Variants in C9orf153 observed in about 807,000 individuals in gnomAD.
C9orf153 encodes chromosome 9 open reading frame 153.
Under a neutral mutation model 9.0 loss-of-function variants are expected in C9orf153, and 10 were observed. The ratio of observed to expected loss-of-function variants is 1.11; its 90% CI spans 0.69 to 1.89. The LOEUF (loss-of-function observed/expected upper bound fraction) is 1.89. Among genes scored for constraint, C9orf153 ranks in the 40% most tolerant of loss-of-function variants. The pLI, the probability that C9orf153 is intolerant of heterozygous loss-of-function variation, is 0.00. For missense variants in C9orf153, 108 were observed against 111.0 expected (o/e 0.97, Z 0.12); for synonymous variants, 35 against 37.3 (o/e 0.94, Z 0.23).
chr9:86,222,729 G>T (rs568329490), intron 3 of C9orf153, among the ~76,000 whole-genome samples: 2 of 152,114 alleles, frequency 1.3e-5, no homozygotes, highest in Admixed American at 6.5e-5. Flanking sequence ...AAAGGCATGG[G>T]TTGGAGTGTA....
intron 1 of C9orf153, among the ~76,000 whole-genome samples, chr9:86,240,970 G>A (rs745856694): frequency 6.6e-6 from 1 of 152,036 alleles, no homozygotes; most frequent in Non-Finnish European, 1.5e-5. Context: ...GCCTCCCGAA[G>A]TGCTGGGATC....
rs1435357648 is a variant in C9orf153 at position 86,240,183 on chromosome 9, A to G, written c.-26-10554T>C. Among the ~76,000 whole-genome samples, 4 of 152,268 alleles carry G rather than the reference A, an allele frequency of 2.6e-5. No homozygotes were observed. In the East Asian group the frequency reaches 7.7e-4, roughly 29 times the overall value. On this transcript the variant is annotated intron_variant, in intron 1 of 3. Transcript: ENST00000339137. Reference sequence around the variant, plus strand: ...CATGTACAATTATAATCCCCATTTTACATTTGAAGAAATTGAAACACAGAC... The same window carrying G: ...CATGTACAATTATAATCCCCATTTTGCATTTGAAGAAATTGAAACACAGAC...
intron 1 of C9orf153, among the ~76,000 whole-genome samples, chr9:86,242,730 T>C (rs887626252): frequency 3.3e-5 from 5 of 152,250 alleles, no homozygotes; most frequent in Admixed American, 6.5e-5. Context: ...CCAGGCTGGA[T>C]TGCAGTGGTG....
chr9:86,227,377 G>C (rs1383166569), intron 3 of C9orf153: 1 of 1,529,804 alleles, frequency 6.5e-7, no homozygotes, highest in Non-Finnish European at 8.8e-7. Flanking sequence ...TGTTTTCCAG[G>C]CTTGTTCATT....
chr9:86,234,020 T>A (rs1179713421), intron 1 of C9orf153, among the ~76,000 whole-genome samples: 1 of 151,926 alleles, frequency 6.6e-6, no homozygotes, highest in Non-Finnish European at 1.5e-5. Flanking sequence ...GAGGTGGAAG[T>A]CGCAGTGAGC....
chr9:86,227,428 T>C (rs1349620563), intron 3 of C9orf153: 1 of 1,458,072 alleles, frequency 6.9e-7, no homozygotes, highest in Admixed American at 2.4e-5. Flanking sequence ...ATAGCAGCCA[T>C]GAACCTCAGA....
intron 3 of C9orf153, among the ~76,000 whole-genome samples, chr9:86,223,954 G>A (rs1361817408): frequency 2.0e-5 from 3 of 152,126 alleles, no homozygotes; most frequent in South Asian, 2.1e-4. Flanking sequence ...AAGTCAATGG[G>A]TTCAGAGTTA....
At chr9:86,257,342 G>A (rs2131212576) in intron 1 of C9orf153, among the ~76,000 whole-genome samples, 1 of 152,292 alleles carries the variant, frequency 6.6e-6, no homozygotes, top group Admixed American at 6.5e-5. Flanking sequence ...TCCTTGGGGA[G>A]GAGATGGGAG....
At chr9:86,223,461 C>G (rs185915789) in intron 3 of C9orf153, among the ~76,000 whole-genome samples, 20 of 152,142 alleles carry the variant, frequency 1.3e-4, no homozygotes, top group African/African-American at 4.6e-4. Flanking sequence ...GAGCAAGACT[C>G]TGTCAAAAAT....
chr9:86,238,461 T>C (rs1011422711), intron 1 of C9orf153, among the ~76,000 whole-genome samples: 9 of 152,228 alleles, frequency 5.9e-5, no homozygotes, highest in Non-Finnish European at 8.8e-5. Context: ...GGAGTTAAGT[T>C]AGATGCCAAT....
intron 1 of C9orf153, among the ~76,000 whole-genome samples, chr9:86,231,598 GATATAT>G (rs148600227): frequency 7.1e-6 from 1 of 140,908 alleles, no homozygotes. Flanking sequence ...CACAAACATG[GATATAT>G]ATATATATAT....
chr9:86,222,390 G>C (rs1824224896), intron 3 of C9orf153, among the ~76,000 whole-genome samples: 1 of 152,036 alleles, frequency 6.6e-6, no homozygotes, highest in Admixed American at 6.6e-5. Flanking sequence ...AAAGCAGCAG[G>C]GAGGAGAAAA....
At chr9:86,227,332 T>A in intron 3 of C9orf153, 3 of 1,492,566 alleles carry the variant, frequency 2.0e-6, no homozygotes, top group Non-Finnish European at 2.7e-6. Context: ...TATTTATTTA[T>A]TTATTTATTT....
rs1002713279 is a variant in C9orf153, at chr9:86,257,217, C to T, written c.-27+2333G>A. Among the ~76,000 whole-genome samples the T allele has an allele frequency of 2.6e-5, 4 of 152,150 alleles. No homozygotes were observed. The East Asian group carries it at 7.7e-4, about 29-fold the overall frequency. The stretch of plus-strand genomic sequence containing the variant: ...TCTACTTATATTAATTTTGCCTTGG[C>T]TTCTTCCTTTAGGCCAACAGATTGC... On this transcript the variant is annotated intron_variant, in intron 1 of 3. Coordinates refer to ENST00000339137, the MANE Select transcript of C9orf153 (RefSeq NM_001276366.4).
chr9:86,255,417 T>C (rs1274082626), intron 1 of C9orf153, among the ~76,000 whole-genome samples: 2 of 152,228 alleles, frequency 1.3e-5, no homozygotes, highest in Non-Finnish European at 2.9e-5. Context: ...TGATGCAGCC[T>C]GGCTTCTTCT....
At chr9:86,246,760 C>G (rs1231559595) in intron 1 of C9orf153, among the ~76,000 whole-genome samples, 2 of 152,170 alleles carry the variant, frequency 1.3e-5, no homozygotes, top group Non-Finnish European at 2.9e-5. Context: ...CTCTGGATGG[C>G]CGTCTCCAAG....
chr9:86,238,611 C>A (rs1824657720), intron 1 of C9orf153, among the ~76,000 whole-genome samples: 1 of 151,876 alleles, frequency 6.6e-6, no homozygotes, highest in Non-Finnish European at 1.5e-5. Context: ...AACAGTAGTC[C>A]CTAAGAGTTT....
intron 1 of C9orf153, among the ~76,000 whole-genome samples, chr9:86,235,863 A>G (rs1173401384): frequency 6.6e-6 from 1 of 151,988 alleles, no homozygotes; most frequent in Non-Finnish European, 1.5e-5. Context: ...GCATAATGAG[A>G]ATACCAGCAG....
chr9:86,236,632 C>T (rs1587802133), intron 1 of C9orf153, among the ~76,000 whole-genome samples: 2 of 151,192 alleles, frequency 1.3e-5, no homozygotes, highest in African/African-American at 4.9e-5. Context: ...GCCAGTAGAC[C>T]TGTCTTGCAA....
Sources: gnomAD v4.1 joint callset for allele counts (sites outside exome capture counted in the v4.1 genomes callset) on GRCh38, gnomAD v4.1.1 for gene constraint, MANE v1.5 for transcripts, NCBI Gene and HGNC (gene_info 2026-07-23, HGNC 2026-07-21) for gene names.